SEPTIN8: variants seen among roughly 807,000 people sequenced by gnomAD.
The protein encoded by SEPTIN8 is septin-8.
In SEPTIN8, 22 loss-of-function variants were observed where a neutral mutation model predicts 53.1. The ratio of observed to expected loss-of-function variants is 0.41; its 90% confidence interval spans 0.30 to 0.59. SEPTIN8 has a LOEUF of 0.59. Among genes scored for constraint, SEPTIN8 ranks in the 20% least tolerant of loss-of-function variants. The pLI is 0.24. For synonymous variants in SEPTIN8, 228 were observed against 248.4 expected, an observed-to-expected ratio of 0.92 and a Z score of 0.77; for missense variants, 536 against 638.7, an observed-to-expected ratio of 0.84 and a Z score of 1.73.
At chr5:132,779,626 A>C (rs555958383), upstream of SEPTIN8, among the ~76,000 whole-genome samples, 71 of 152,280 alleles carry the variant, frequency 4.7e-4, no homozygotes, top group South Asian at 2.1e-4. Flanking sequence ...TAGAAGTTTA[A>C]ATTTTTGATG....
chr5:132,777,497 G>A, upstream of SEPTIN8: 1 of 963,656 alleles, frequency 1.0e-6, no homozygotes, highest in Non-Finnish European at 1.2e-6. The surrounding 1 kb of genome is among the most constrained non-coding windows in gnomAD (Gnocchi z 4.1). Flanking sequence ...GCTGGTGCCC[G>A]GCGGGCCTCT....
rs1399580487 is a variant in SEPTIN8, at chr5:132,764,181, G to T, written c.347+43C>A. Reference sequence around the variant, plus strand: ...ACTGTTATAGGGGCCAATGTAGGTGGGGTGGGAGGAGGCTGGGTGGGGCCG... The same window carrying T: ...ACTGTTATAGGGGCCAATGTAGGTGTGGTGGGAGGAGGCTGGGTGGGGCCG... On this transcript the variant is annotated intron_variant, in intron 3 of 9. Coordinates refer to ENST00000378719, the MANE Select transcript of SEPTIN8 (RefSeq NM_001098811.2). 2.5e-6 allele frequency: 4 copies of T among 1,569,150 alleles called. No homozygotes were observed. In the African/African-American group the frequency reaches 4.1e-5, roughly 16 times the overall value.
At chr5:132,754,574 A>G (rs1473128612) in intron 9 of SEPTIN8, 1 of 715,652 alleles carries the variant, frequency 1.4e-6, no homozygotes, top group Non-Finnish European at 2.6e-6. Flanking sequence ...GTAAGAGACA[A>G]CCTTCTGCTC....
At chr5:132,775,955 C>T (rs1481340993) in intron 1 of SEPTIN8, 1 of 152,122 alleles carries the variant, frequency 6.6e-6, no homozygotes, top group Non-Finnish European at 1.5e-5. Flanking sequence ...ACCAAGAGCT[C>T]CTGCTTTAGT....
intron 2 of SEPTIN8, 59 bp downstream of exon 2, chr5:132,765,349 AC>A: frequency 8.2e-6 from 13 of 1,589,104 alleles, no homozygotes; most frequent in Admixed American, 1.7e-5. Context: ...GGCCAGAAGC[AC>A]CCCCTCTCCC....
intron 1 of SEPTIN8, among the ~76,000 whole-genome samples, chr5:132,766,166 C>G (rs1002467146): frequency 6.6e-6 from 1 of 152,090 alleles, no homozygotes; most frequent in Non-Finnish European, 1.5e-5. Context: ...CTCACACAAC[C>G]CCCCCGTGGG....
chr5:132,756,046 T>A, intron 9 of SEPTIN8: 1 of 984,396 alleles, frequency 1.0e-6, no homozygotes, highest in Non-Finnish European at 1.2e-6. Flanking sequence ...AAGTACAAAG[T>A]GAATGGAAAA....
Position 132,758,671 on chromosome 5 carries a change from A to G in SEPTIN8, c.1286+2131T>C, listed in dbSNP as rs1469001420. 7.5e-6 allele frequency: 12 copies of G among 1,593,388 alleles called. No homozygotes were observed. The African/African-American group carries it at 9.4e-5, about 13-fold the overall frequency. On this transcript the variant is annotated intron_variant, in intron 9 of 9. Transcript: ENST00000378719. ...GCAGCCTGGGGCCAGGGTCGGTGGG[A>G]GGAAAGCAAGGCTGTAAACACTGGA...
Position 132,770,061 on chromosome 5 carries a change from GTGTA to G in SEPTIN8, c.31-4536_31-4533del, listed in dbSNP as rs1292804318. Among the ~76,000 whole-genome samples the G allele has an allele frequency of 8.2e-3, 608 of 74,038 alleles. 15 individuals are homozygous for G. Among genetic ancestry groups the G allele is most frequent in the East Asian group, 0.026 (106 of 4,096 alleles). 48.6% of individuals were successfully genotyped at this position (74,038 alleles called of 152,430 possible). A position where few individuals can be genotyped will look rare whatever the true frequency, so the allele number is the denominator to read the frequency against. ...TATATATGTGTGTGTGTGTGTGTGT[GTGTA>G]TATATATATATATATGTATATATGT... On this transcript the variant is annotated intron_variant, in intron 1 of 9. Transcript: ENST00000378719.
At chr5:132,759,911 G>T (rs1755720186) in intron 9 of SEPTIN8, among the ~76,000 whole-genome samples, 1 of 152,148 alleles carries the variant, frequency 6.6e-6, no homozygotes, top group East Asian at 1.9e-4. Context: ...GATCGCCAGG[G>T]AGAAGTGACT....
At chr5:132,767,896 T>A (rs987748036) in intron 1 of SEPTIN8, among the ~76,000 whole-genome samples, 8 of 147,382 alleles carry the variant, frequency 5.4e-5, no homozygotes, top group Non-Finnish European at 1.0e-4. Flanking sequence ...CAATCCAACA[T>A]CCTGTAGTCT....
intron 1 of SEPTIN8, among the ~76,000 whole-genome samples, chr5:132,770,041 A>G (rs803145): frequency 0.12 from 9,510 of 82,688 alleles, 1,089 homozygotes; most frequent in African/African-American, 0.25. Flanking sequence ...ATATATATAT[A>G]TGTGTGTGTG....
upstream of SEPTIN8, among the ~76,000 whole-genome samples, chr5:132,778,415 C>T (rs1757961287): frequency 1.3e-5 from 2 of 152,188 alleles, no homozygotes; most frequent in Admixed American, 6.5e-5. Flanking sequence ...GCTGTTTGAC[C>T]TTGTCACCCT....
chr5:132,776,003 C>T lies in SEPTIN8; in HGVS notation c.30+1105G>A, dbSNP rs1757753035. On this transcript the variant is annotated intron_variant, in intron 1 of 9. Transcript: ENST00000378719. The surrounding 1 kb of genome is among the most constrained non-coding windows in gnomAD (Gnocchi z 4.4). ...CAAAGTAGAATAAGAAATGTATTTT[C>T]AGATTAAATGGAAAATTTACATATA... 1 of 152,236 alleles carries T rather than the reference C, an allele frequency of 6.6e-6. No homozygotes were observed. Among genetic ancestry groups the T allele is most frequent in the Admixed American group, 6.5e-5 (1 of 15,284 alleles). 9.4% of individuals were successfully genotyped at this position (152,236 alleles called of 1,614,324 possible). A position where few individuals can be genotyped will look rare whatever the true frequency, so the allele number is the denominator to read the frequency against.
At chr5:132,753,049 G>C in intron 9 of SEPTIN8, 2 of 1,151,562 alleles carry the variant, frequency 1.7e-6, no homozygotes, top group Non-Finnish European at 2.6e-6. Context: ...TCTTTGGCTT[G>C]TTATGAATCC....
chr5:132,772,624 G>T (rs958633325), intron 1 of SEPTIN8, among the ~76,000 whole-genome samples: 1 of 152,226 alleles, frequency 6.6e-6, no homozygotes, highest in Non-Finnish European at 1.5e-5. Flanking sequence ...GGCAGCAAAG[G>T]TGCCCCGCCT....
Position 132,751,105 on chromosome 5 carries a change from A to G in SEPTIN8, c.*911T>C. On this transcript the variant is annotated 3_prime_UTR_variant, in exon 10 of 10. Transcript: ENST00000378719. ...CACAGGCGTGCACACGCCCTTGCAC[A>G]TGCACCACAGTGAGGTGACGCACAA... The G allele has an allele frequency of 7.7e-7, 1 of 1,291,588 alleles. No homozygotes were observed. The highest frequency in any genetic ancestry group is 1.1e-6 in the Non-Finnish European group (1 of 928,856). The allele number at this position is 1,291,588 out of a possible 1,614,324, so 80.0% of individuals were successfully genotyped here.
chr5:132,774,856 T>C (rs966701068), intron 1 of SEPTIN8, among the ~76,000 whole-genome samples: 4 of 152,064 alleles, frequency 2.6e-5, no homozygotes, highest in African/African-American at 9.7e-5. Context: ...CCATAAACTC[T>C]CTGAGGAACC....
chr5:132,771,572 C>T lies in SEPTIN8; in HGVS notation c.30+5536G>A, dbSNP rs1428774195. Among the ~76,000 whole-genome samples, 3 of 152,150 alleles carry T rather than the reference C, an allele frequency of 2.0e-5. No homozygotes were observed. In the East Asian group the frequency reaches 5.8e-4, roughly 29 times the overall value. On this transcript the variant is annotated intron_variant, in intron 1 of 9. Transcript: ENST00000378719. ...AGGGGAGCTCCAGCCCTGGGGGTGGCCCTATTAAGTAACTGAGCAATGGAC... is the reference window on the plus strand; with the variant it reads ...AGGGGAGCTCCAGCCCTGGGGGTGGTCCTATTAAGTAACTGAGCAATGGAC...
Sources: allele counts gnomAD v4.1 joint callset (sites outside exome capture counted in the v4.1 genomes callset), GRCh38; gene constraint gnomAD v4.1.1; non-coding constraint Gnocchi (gnomAD v3.1); transcripts MANE v1.5; gene names NCBI Gene and HGNC (gene_info 2026-07-23, HGNC 2026-07-21).